Variants in NTM observed in about 807,000 individuals in gnomAD.
NTM encodes the protein neurotrimin, also known as IgLON family member 2.
A neutral mutation model predicts 42.1 loss-of-function variants in NTM; 13 were observed. The ratio of observed to expected loss-of-function variants is 0.31; its 90% CI spans 0.20 to 0.49. The LOEUF (loss-of-function observed/expected upper bound fraction) is 0.49, where lower values mean the gene tolerates loss of function less well. NTM is among the 20% of genes least tolerant of loss of function. The pLI, the probability that NTM is intolerant of heterozygous loss-of-function variation, is 0.99. For synonymous variants in NTM, 187 were observed against 179.2 expected, an observed-to-expected ratio of 1.04 and a Z score of -0.35; for missense variants, 373 against 452.8, an observed-to-expected ratio of 0.82 and a Z score of 1.60.
At chr11:131,967,949 T>A (rs1313894346) in intron 2 of NTM, among the ~76,000 whole-genome samples, 1 of 152,184 alleles carries the variant, frequency 6.6e-6, no homozygotes, top group Non-Finnish European at 1.5e-5. Flanking sequence ...AAGATGGAAA[T>A]GTTTCTCCTC....
intron 4 of NTM, among the ~76,000 whole-genome samples, chr11:132,227,751 A>G (rs185663226): frequency 1.3e-5 from 2 of 152,314 alleles, no homozygotes; most frequent in East Asian, 1.9e-4. Context: ...TTGCTAAAGC[A>G]ATTGACTGTG....
chr11:131,994,573 TG>T (rs1462459548), intron 2 of NTM, among the ~76,000 whole-genome samples: 1 of 152,224 alleles, frequency 6.6e-6, no homozygotes, highest in Non-Finnish European at 1.5e-5. Context: ...GGTGAGATTT[TG>T]TTGAGGGAAG....
chr11:131,644,257 A>G (rs1332201573), intron 1 of NTM, among the ~76,000 whole-genome samples: 2 of 152,162 alleles, frequency 1.3e-5, no homozygotes, highest in African/African-American at 2.4e-5. Context: ...CATTAGACTG[A>G]GTATCTATTT....
chr11:132,208,313 G>C (rs1425466656), intron 3 of NTM, among the ~76,000 whole-genome samples: 1 of 152,074 alleles, frequency 6.6e-6, no homozygotes, highest in African/African-American at 2.4e-5. Flanking sequence ...TAGCATCTTA[G>C]GCATATGCCA....
chr11:132,047,787 C>G (rs1191112525), intron 2 of NTM, among the ~76,000 whole-genome samples: 3 of 152,188 alleles, frequency 2.0e-5, no homozygotes, highest in Admixed American at 6.5e-5. Context: ...CTGGTTTTCT[C>G]TAAATCAAGA....
intron 5 of NTM, among the ~76,000 whole-genome samples, chr11:132,309,420 G>T (rs1053041591): frequency 1.3e-5 from 2 of 152,188 alleles, no homozygotes; most frequent in African/African-American, 4.8e-5. Context: ...GAATTGAATA[G>T]TTCGAGGTTA....
chr11:132,101,397 T>C (rs2061597517), intron 2 of NTM, among the ~76,000 whole-genome samples: 1 of 152,164 alleles, frequency 6.6e-6, no homozygotes, highest in Non-Finnish European at 1.5e-5. Flanking sequence ...AGCTCCTCAA[T>C]ACGATAACCA....
At chr11:131,936,093 G>T (rs1326104012) in intron 2 of NTM, among the ~76,000 whole-genome samples, 1 of 152,132 alleles carries the variant, frequency 6.6e-6, no homozygotes, top group African/African-American at 2.4e-5. Flanking sequence ...TGTTGAGAGT[G>T]ATGGTCGAGA....
At chr11:131,373,115 C>T (rs1362664274) in intron 1 of NTM, among the ~76,000 whole-genome samples, 5 of 152,150 alleles carry the variant, frequency 3.3e-5, no homozygotes, top group East Asian at 3.9e-4. Context: ...CCCAAAGACC[C>T]GCATATTGCA....
chr11:132,286,825 C>CTTAGGAACA (rs2094256583), intron 4 of NTM, among the ~76,000 whole-genome samples: 1 of 152,188 alleles, frequency 6.6e-6, no homozygotes, highest in African/African-American at 2.4e-5. Flanking sequence ...TAGGGAGATG[C>CTTAGGAACA]ATCAGACTTA....
chr11:131,520,592 G>A (rs886450499), intron 1 of NTM, among the ~76,000 whole-genome samples: 2 of 152,144 alleles, frequency 1.3e-5, no homozygotes, highest in Non-Finnish European at 2.9e-5. Context: ...TGGGGAGCAG[G>A]AAGAGCTTTT....
intron 2 of NTM, among the ~76,000 whole-genome samples, chr11:132,090,563 T>G (rs1260599113): frequency 6.6e-6 from 1 of 152,140 alleles, no homozygotes; most frequent in Non-Finnish European, 1.5e-5. Flanking sequence ...ATCAGAAAAT[T>G]TAGTGAAATT....
intron 4 of NTM, among the ~76,000 whole-genome samples, chr11:132,233,279 G>T (rs2088022193): frequency 1.3e-5 from 2 of 152,176 alleles, no homozygotes; most frequent in African/African-American, 4.8e-5. Context: ...AATTAGCCAG[G>T]TATGGTGGTA....
rs1226549927 is a variant in NTM, at chr11:131,474,271, ACT to A, written c.82+103386_82+103387del. Among the ~76,000 whole-genome samples, 13 of 151,870 alleles carry A rather than the reference ACT, an allele frequency of 8.6e-5. No homozygotes were observed. The South Asian group carries it at 2.1e-3, about 24-fold the overall frequency. On this transcript the variant is annotated intron_variant, in intron 1 of 8. Transcript: ENST00000683400. ...GTTAACCCACCTCCTCCATCTGGAA[ACT>A]CTTCTTCCTCAGCTCCTGTGGCCCA...
At chr11:132,005,652 C>T (rs1186963585) in intron 2 of NTM, among the ~76,000 whole-genome samples, 2 of 152,152 alleles carry the variant, frequency 1.3e-5, no homozygotes. Context: ...TTTCCATTTT[C>T]ATATCCTACC....
intron 2 of NTM, among the ~76,000 whole-genome samples, chr11:131,941,581 C>G (rs2059796749): frequency 1.3e-5 from 2 of 152,170 alleles, no homozygotes; most frequent in Non-Finnish European, 2.9e-5. Context: ...TCTTTGATCT[C>G]TGTATCTCCA....
In NTM at chr11:132,267,032, C is replaced by T. The variant is rs114800425; in HGVS notation, c.527-40657C>T. Among the ~76,000 whole-genome samples, 611 of 152,228 alleles carry T rather than the reference C, an allele frequency of 4.0e-3. 9 individuals are homozygous for T. Among genetic ancestry groups the T allele is most frequent in the African/African-American group, 0.014 (590 of 41,548 alleles). ...TGCAGTTCAAATAGCAGAGGAAAGA[C>T]GGGAGGGGCCACCCACCATTTATCA... is the stretch of plus-strand genomic sequence containing the variant. On this transcript the variant is annotated intron_variant, in intron 4 of 8. Transcript: ENST00000683400.
intron 2 of NTM, among the ~76,000 whole-genome samples, chr11:132,019,684 TCA>T (rs2074027092): frequency 6.6e-6 from 1 of 152,086 alleles, no homozygotes; most frequent in Non-Finnish European, 1.5e-5. Context: ...GTATATATAT[TCA>T]TCCTGTTACT....
chr11:131,659,572 G>C (rs2067680648), intron 1 of NTM, among the ~76,000 whole-genome samples: 2 of 152,374 alleles, frequency 1.3e-5, no homozygotes, highest in Non-Finnish European at 2.9e-5. Context: ...AGAAAAAGTA[G>C]TCATCCTTCT....
Sources: gnomAD v4.1 joint callset for allele counts (sites outside exome capture counted in the v4.1 genomes callset) on GRCh38, gnomAD v4.1.1 for gene constraint, MANE v1.5 for transcripts, NCBI Gene and HGNC (gene_info 2026-07-23, HGNC 2026-07-21) for gene names.